NFYC: variants seen among roughly 807,000 people sequenced by gnomAD.
NFYC encodes nuclear transcription factor Y subunit gamma.
Under a neutral mutation model 53.1 loss-of-function variants are expected in NFYC, and 25 were observed. That is an observed-to-expected ratio of 0.47 (90% CI 0.34 to 0.66). The LOEUF (loss-of-function observed/expected upper bound fraction) is 0.66. Ranked by LOEUF, NFYC falls within the 30% of genes least tolerant of loss-of-function variation. NFYC has a pLI of 0.01. For missense variants in NFYC, 260 were observed against 422.7 expected (o/e 0.62, Z 3.38); for synonymous variants, 145 against 152.6 (o/e 0.95, Z 0.37).
rs887564236 is a variant in NFYC at position 40,718,026 on chromosome 1, A to G, written c.-8-20810A>G. Reference sequence around the variant, plus strand: ...TTATCCTCAATCTAAAATAAAGGCAATAAGAAACTTTTCACTAGAGAAATA... The same window carrying G: ...TTATCCTCAATCTAAAATAAAGGCAGTAAGAAACTTTTCACTAGAGAAATA... On this transcript the variant is annotated intron_variant, in intron 1 of 9. Transcript: ENST00000447388. Among the ~76,000 whole-genome samples, 8 of 152,344 alleles carry G rather than the reference A, an allele frequency of 5.3e-5. 1 individual carries two copies. In the South Asian group the frequency reaches 8.3e-4, roughly 16 times the overall value.
chr1:40,767,516 C>A (rs1182502795), intron 8 of NFYC, among the ~76,000 whole-genome samples: 15 of 152,138 alleles, frequency 9.9e-5, no homozygotes, highest in Admixed American at 9.8e-4. Context: ...TGTTTCTGTG[C>A]CCACTCCCCG....
intron 1 of NFYC, among the ~76,000 whole-genome samples, chr1:40,696,756 C>A (rs1250548154): frequency 6.6e-6 from 1 of 152,330 alleles, no homozygotes; most frequent in African/African-American, 2.4e-5. Context: ...ATTCCTTTGC[C>A]AGTAAGTTGT....
intron 1 of NFYC, among the ~76,000 whole-genome samples, chr1:40,717,494 C>T (rs1274304066): frequency 6.6e-6 from 1 of 152,124 alleles, no homozygotes; most frequent in African/African-American, 2.4e-5. Flanking sequence ...CTTGGAGCAC[C>T]GTATGTAATA....
intron 1 of NFYC, among the ~76,000 whole-genome samples, chr1:40,717,085 C>G (rs1384985510): frequency 1.3e-5 from 2 of 152,042 alleles, no homozygotes; most frequent in Non-Finnish European, 2.9e-5. Context: ...GGAGAAATAT[C>G]AAAATTGGTA....
chr1:40,742,258 A>G (rs368112761), intron 2 of NFYC, among the ~76,000 whole-genome samples: 1 of 151,402 alleles, frequency 6.6e-6, no homozygotes, highest in African/African-American at 2.4e-5. Flanking sequence ...TTGTATGTAT[A>G]TACCACATTT....
intron 2 of NFYC, among the ~76,000 whole-genome samples, chr1:40,744,815 C>G (rs988935510): frequency 6.6e-6 from 1 of 152,166 alleles, no homozygotes; most frequent in African/African-American, 2.4e-5. Context: ...AAGTGGGGAG[C>G]ATGAATCCAA....
intron 1 of NFYC, among the ~76,000 whole-genome samples, chr1:40,737,637 G>GT (rs1003114673): frequency 1.3e-5 from 2 of 151,584 alleles, no homozygotes; most frequent in African/African-American, 4.8e-5. Context: ...CCTCTCCTTC[G>GT]TTTTTTTAAC....
intron 1 of NFYC, among the ~76,000 whole-genome samples, chr1:40,731,546 G>A (rs1462540845): frequency 1.4e-5 from 2 of 147,434 alleles, no homozygotes; most frequent in African/African-American, 2.5e-5. Context: ...GTGCAGTGGC[G>A]CGACCTCAGC....
At chr1:40,696,684 C>T (rs1643164702) in intron 1 of NFYC, among the ~76,000 whole-genome samples, 1 of 152,202 alleles carries the variant, frequency 6.6e-6, no homozygotes, top group Non-Finnish European at 1.5e-5. Flanking sequence ...GAGGACATTA[C>T]TAGGGTCACA....
intron 1 of NFYC, among the ~76,000 whole-genome samples, chr1:40,734,200 ATT>A (rs996248070): frequency 7.2e-5 from 11 of 152,158 alleles, no homozygotes; most frequent in Non-Finnish European, 1.3e-4. Context: ...TTTTAAATAC[ATT>A]CTTTCCCTTA....
intron 2 of NFYC, among the ~76,000 whole-genome samples, chr1:40,739,236 A>T (rs750097477): frequency 2.6e-5 from 4 of 152,212 alleles, no homozygotes; most frequent in Non-Finnish European, 5.9e-5. Flanking sequence ...TTACAGAAAA[A>T]CAGAGATCTC....
At chr1:40,745,680 T>A (rs1341826497) in intron 2 of NFYC, among the ~76,000 whole-genome samples, 2 of 152,128 alleles carry the variant, frequency 1.3e-5, no homozygotes, top group African/African-American at 4.8e-5. Context: ...TGTCATCCCC[T>A]TTGTGGAACA....
At chr1:40,712,891 G>A (rs1350059554) in intron 1 of NFYC, 3 of 151,096 alleles carry the variant, frequency 2.0e-5, no homozygotes, top group African/African-American at 4.9e-5. Flanking sequence ...AAATACAGAC[G>A]GGGTCTTGAT....
Position 40,735,699 on chromosome 1 carries a change from C to T in NFYC, c.-8-3137C>T, listed in dbSNP as rs116899493. 8.4e-4 allele frequency: 826 copies of T among 985,412 alleles called. 21 individuals carry two copies. In the East Asian group the frequency reaches 0.063, roughly 75 times the overall value. The allele number at this position is 985,412 out of a possible 1,614,324, so 61.0% of individuals were successfully genotyped here. A position where few individuals can be genotyped will look rare whatever the true frequency, so the allele number is the denominator to read the frequency against. The stretch of plus-strand genomic sequence containing the variant: ...TTTCTCCTTTGACCTTAGCAGTTTG[C>T]ATGGCAGATTGTGCCAAGATGAGGC... On this transcript the variant is annotated intron_variant, in intron 1 of 9. Transcript: ENST00000447388.
intron 4 of NFYC, among the ~76,000 whole-genome samples, chr1:40,752,507 C>A (rs779033547): frequency 3.3e-5 from 5 of 152,112 alleles, no homozygotes; most frequent in Non-Finnish European, 7.4e-5. Flanking sequence ...CATTAGCCTT[C>A]TGACTCCTGT....
At chr1:40,761,800 A>G (rs1646559212) in intron 6 of NFYC, among the ~76,000 whole-genome samples, 1 of 152,216 alleles carries the variant, frequency 6.6e-6, no homozygotes, top group African/African-American at 2.4e-5. Flanking sequence ...TTTATGATTC[A>G]TTGAGAGTTC....
At chr1:40,736,230 G>A (rs551890912) in intron 1 of NFYC, among the ~76,000 whole-genome samples, 40 of 152,132 alleles carry the variant, frequency 2.6e-4, no homozygotes, top group African/African-American at 9.4e-4. Flanking sequence ...TTTGAGGCTT[G>A]TATTGTTGTT....
chr1:40,724,093 G>T (rs1183040619), intron 1 of NFYC, among the ~76,000 whole-genome samples: 1 of 152,204 alleles, frequency 6.6e-6, no homozygotes, highest in Non-Finnish European at 1.5e-5. Context: ...TTAGGGGCTG[G>T]ACATGGTGGC....
intron 1 of NFYC, among the ~76,000 whole-genome samples, chr1:40,722,293 C>T (rs1463123582): frequency 2.0e-5 from 3 of 152,078 alleles, no homozygotes; most frequent in South Asian, 2.1e-4. Flanking sequence ...AAATTTGGAA[C>T]GTTCCCATGT....
Sources: allele counts gnomAD v4.1 joint callset (sites outside exome capture counted in the v4.1 genomes callset), GRCh38; gene constraint gnomAD v4.1.1; transcripts MANE v1.5; gene names NCBI Gene and HGNC (gene_info 2026-07-23, HGNC 2026-07-21).